The following TENM3 variants were observed in gnomAD, a reference collection of about 807,000 sequenced individuals.
TENM3 encodes teneurin-3.
In TENM3, 63 loss-of-function variants were observed where a neutral mutation model predicts 255.1. The ratio of observed to expected loss-of-function variants is 0.25; its 90% CI spans 0.20 to 0.30. The LOEUF is 0.30. Among genes scored for constraint, TENM3 ranks in the 10% least tolerant of loss-of-function variants. The pLI is 1.00. For missense variants in TENM3, 2,929 were observed against 3,461.1 expected, an observed-to-expected ratio of 0.85 and a Z score of 3.86; for synonymous variants, 1,306 against 1,322.3, an observed-to-expected ratio of 0.99 and a Z score of 0.27.
the TENM3 span, among the ~76,000 whole-genome samples, chr4:181,486,812 C>A: frequency 6.6e-6 from 1 of 152,146 alleles, no homozygotes; most frequent in East Asian, 1.9e-4. Context: ...GATAGCTACA[C>A]AATTTTCGAA....
At chr4:182,180,888 C>A (rs1028159725) in intron 1 of TENM3, among the ~76,000 whole-genome samples, 27 of 152,004 alleles carry the variant, frequency 1.8e-4, no homozygotes, top group African/African-American at 5.3e-4. Context: ...CTTCACAAAT[C>A]ACATCAATTT....
the TENM3 span, among the ~76,000 whole-genome samples, chr4:181,657,659 T>G: frequency 6.6e-6 from 1 of 152,112 alleles, no homozygotes; most frequent in African/African-American, 2.4e-5. Context: ...CAAAGAAAAC[T>G]AAATCTTTCC....
chr4:182,229,662 A>C (rs1184977760), intron 1 of TENM3, among the ~76,000 whole-genome samples: 1 of 152,124 alleles, frequency 6.6e-6, no homozygotes, highest in Admixed American at 6.6e-5. Flanking sequence ...ATATGTATAT[A>C]TAATTAAGCC....
intron 3 of TENM3, among the ~76,000 whole-genome samples, chr4:182,431,450 C>T (rs545920236): frequency 5.3e-5 from 8 of 151,880 alleles, no homozygotes; most frequent in East Asian, 3.9e-4. Context: ...GCCGAGATCG[C>T]GCCACTGCAC....
At chr4:182,577,229 T>C (rs1282798819) in intron 3 of TENM3, among the ~76,000 whole-genome samples, 8 of 152,258 alleles carry the variant, frequency 5.3e-5, no homozygotes, top group African/African-American at 1.9e-4. Context: ...TTCATCTCTC[T>C]GTATATCTGT....
chr4:181,688,200 C>CA, the TENM3 span, among the ~76,000 whole-genome samples: 4 of 152,098 alleles, frequency 2.6e-5, no homozygotes, highest in Non-Finnish European at 5.9e-5. Flanking sequence ...CTACTTCTTG[C>CA]AAAATTATCA....
At chr4:182,743,470 T>A in intron 19 of TENM3, 51 bp downstream of exon 19, 1 of 1,564,058 alleles carries the variant, frequency 6.4e-7, no homozygotes, top group Non-Finnish European at 8.7e-7. Flanking sequence ...CGTGCCTCTT[T>A]AAAAAAAAGG....
chr4:181,754,777 A>G, the TENM3 span, among the ~76,000 whole-genome samples: 59 of 152,326 alleles, frequency 3.9e-4, no homozygotes, highest in African/African-American at 1.2e-3. Context: ...GGACAATTCT[A>G]AAGAGTTTCT....
Position 182,376,774 on chromosome 4 carries a change from T to G in TENM3, c.511+29845T>G, listed in dbSNP as rs1269769418. Among the ~76,000 whole-genome samples the G allele has an allele frequency of 2.0e-5, 3 of 152,142 alleles. No individual in the cohort carries two copies. In the East Asian group the frequency reaches 5.8e-4, roughly 29 times the overall value. On this transcript the variant is annotated intron_variant, in intron 3 of 27. Coordinates refer to ENST00000511685, the MANE Select transcript of TENM3 (RefSeq NM_001080477.4). Reference sequence around the variant, plus strand: ...GGGGTTGTTTCTGGTCAAATTACTTTTTTTTTCCTGTGAGTTTTACCTGGG... The same window carrying G: ...GGGGTTGTTTCTGGTCAAATTACTTGTTTTTTCCTGTGAGTTTTACCTGGG...
the TENM3 span, among the ~76,000 whole-genome samples, chr4:181,686,869 G>A: frequency 6.6e-6 from 1 of 152,068 alleles, no homozygotes; most frequent in Non-Finnish European, 1.5e-5. Flanking sequence ...TGCTGAAAAT[G>A]CTTTCTCATT....
the TENM3 span, among the ~76,000 whole-genome samples, chr4:181,600,863 G>A: frequency 2.6e-5 from 4 of 151,730 alleles, no homozygotes; most frequent in Admixed American, 2.6e-4. Context: ...AACAAAGCTT[G>A]ACTTAGTCTC....
the TENM3 span, among the ~76,000 whole-genome samples, chr4:181,960,786 A>C: frequency 6.6e-6 from 1 of 152,292 alleles, no homozygotes; most frequent in East Asian, 1.9e-4. Flanking sequence ...GAAGTATGGT[A>C]AATGTACTTT....
the TENM3 span, among the ~76,000 whole-genome samples, chr4:182,059,121 G>A: frequency 3.3e-5 from 5 of 152,072 alleles, no homozygotes; most frequent in African/African-American, 7.2e-5. Context: ...GGTGGCATCT[G>A]CTACAGTGGC....
chr4:182,315,858 C>T (rs547146445), intron 1 of TENM3, among the ~76,000 whole-genome samples: 35 of 152,220 alleles, frequency 2.3e-4, no homozygotes, highest in African/African-American at 8.4e-4. Context: ...TTTTCTTCTG[C>T]AGTGTCTAAT....
intron 3 of TENM3, among the ~76,000 whole-genome samples, chr4:182,421,437 G>C (rs1292708426): frequency 6.6e-6 from 1 of 152,044 alleles, no homozygotes; most frequent in African/African-American, 2.4e-5. Flanking sequence ...TCATGCTTTA[G>C]GTATGACTTT....
chr4:182,480,433 T>C (rs1734083401), intron 3 of TENM3, among the ~76,000 whole-genome samples: 1 of 152,218 alleles, frequency 6.6e-6, no homozygotes, highest in East Asian at 1.9e-4. Context: ...GCCAGTTTTC[T>C]AATGATGTTT....
the TENM3 span, among the ~76,000 whole-genome samples, chr4:181,597,160 A>G: frequency 1.2e-4 from 19 of 152,220 alleles, no homozygotes; most frequent in Non-Finnish European, 2.4e-4. Flanking sequence ...TACCATGCCT[A>G]ACATTAAATC....
intron 1 of TENM3, among the ~76,000 whole-genome samples, chr4:182,298,638 G>C (rs1761644973): frequency 6.6e-6 from 1 of 152,052 alleles, no homozygotes; most frequent in Non-Finnish European, 1.5e-5. Context: ...TCAAAGTGAA[G>C]ATTGGAGAAA....
the TENM3 span, among the ~76,000 whole-genome samples, chr4:181,804,977 CCT>C: frequency 6.6e-6 from 1 of 152,144 alleles, no homozygotes; most frequent in Non-Finnish European, 1.5e-5. Context: ...TCACCCGTCC[CCT>C]GATTCTCCTC....
Sources: gnomAD v4.1 joint callset for allele counts (sites outside exome capture counted in the v4.1 genomes callset) on GRCh38, gnomAD v4.1.1 for gene constraint, MANE v1.5 for transcripts, NCBI Gene and HGNC (gene_info 2026-07-23, HGNC 2026-07-21) for gene names.